CHD9: variants seen among roughly 807,000 people sequenced by gnomAD.
CHD9 encodes the protein ATP-dependent chromatin remodeler CHD9.
CHD9 carries 77 observed loss-of-function variants against 316.1 expected under a neutral mutation model. That is an observed-to-expected ratio of 0.24 (90% CI 0.20 to 0.29). The LOEUF (loss-of-function observed/expected upper bound fraction) is 0.29, where lower values mean the gene tolerates loss of function less well. Ranked by LOEUF, CHD9 falls within the 10% of genes least tolerant of loss-of-function variation. The pLI is 1.00. For synonymous variants in CHD9, 1,129 were observed against 1,158.3 expected (o/e 0.97, Z 0.51); for missense variants, 2,763 against 3,438.1 (o/e 0.80, Z 4.91).
chr16:53,151,226 C>A (rs1325621082), intron 1 of CHD9, among the ~76,000 whole-genome samples: 1 of 122,808 alleles, frequency 8.1e-6, no homozygotes, highest in Non-Finnish European at 1.7e-5. Context: ...CCCCTCCCCT[C>A]CCTTTCCTCT....
chr16:53,145,862 A>G (rs1193634785), intron 1 of CHD9, among the ~76,000 whole-genome samples: 1 of 152,168 alleles, frequency 6.6e-6, no homozygotes, highest in Non-Finnish European at 1.5e-5. Flanking sequence ...CATAATATAC[A>G]TATAATGGAA....
rs192934837 is a variant in CHD9, at chr16:53,280,691, A to C, written c.4968-4905A>C. ...TATGGAAATACAATTTAAAAAAAAA[A>C]AAAGAAATTTGTCTAAGGTTACCCA... On this transcript the variant is annotated intron_variant, in intron 24 of 38. Transcript: ENST00000447540. Among the ~76,000 whole-genome samples the C allele has an allele frequency of 3.2e-3, 481 of 152,242 alleles. 5 individuals are homozygous for C. Among genetic ancestry groups the C allele is most frequent in the African/African-American group, 0.011 (463 of 41,538 alleles).
intron 16 of CHD9, chr16:53,247,867 T>G (rs2049769775): frequency 6.0e-6 from 1 of 165,734 alleles, no homozygotes; most frequent in African/African-American, 2.4e-5. Context: ...TTCAAGAACT[T>G]TGGATCTATT....
chr16:53,147,840 G>A (rs948883812), intron 1 of CHD9, among the ~76,000 whole-genome samples: 2 of 152,060 alleles, frequency 1.3e-5, no homozygotes, highest in South Asian at 2.1e-4. Context: ...GTTGCTTTTG[G>A]TGAATAGTAT....
At chr16:53,242,720 G>A in intron 12 of CHD9, 120 bp from the exon 13 acceptor site, 1 of 800,308 alleles carries the variant, frequency 1.2e-6, no homozygotes, top group Admixed American at 2.4e-5. Context: ...GGGAGTGTCT[G>A]CATATGTAAA....
intron 1 of CHD9, among the ~76,000 whole-genome samples, chr16:53,065,012 A>G (rs1358157046): frequency 6.6e-6 from 1 of 152,058 alleles, no homozygotes; most frequent in African/African-American, 2.4e-5. Context: ...AAAGAGAGGG[A>G]GTGAGAAAGA....
intron 1 of CHD9, 24 bp from the exon 2 acceptor site, chr16:53,155,902 T>G: frequency 1.7e-6 from 1 of 577,736 alleles, no homozygotes; most frequent in Non-Finnish European, 3.0e-6. Flanking sequence ...TTTCTCTTTA[T>G]TGTTTTTGTT....
intron 1 of CHD9, among the ~76,000 whole-genome samples, chr16:53,129,426 T>G (rs2039116400): frequency 6.6e-6 from 1 of 152,240 alleles, no homozygotes; most frequent in Non-Finnish European, 1.5e-5. Context: ...GGAATCAAAG[T>G]TGGAACTGTA....
intron 1 of CHD9, among the ~76,000 whole-genome samples, chr16:53,146,353 A>G (rs1802682114): frequency 7.1e-6 from 1 of 141,630 alleles, no homozygotes; most frequent in Admixed American, 7.3e-5. Context: ...AGATCATGCC[A>G]TTGCACTCCA....
chr16:53,248,371 G>C (rs903193615), intron 16 of CHD9, among the ~76,000 whole-genome samples: 9 of 151,504 alleles, frequency 5.9e-5, no homozygotes, highest in African/African-American at 2.2e-4. Flanking sequence ...CAGTATTTAG[G>C]CTATAATAGG....
At chr16:53,268,873 G>T (rs991605713) in intron 22 of CHD9, among the ~76,000 whole-genome samples, 1 of 152,120 alleles carries the variant, frequency 6.6e-6, no homozygotes, top group African/African-American at 2.4e-5. Context: ...TGCAAACATG[G>T]CTCAATGCAG....
chr16:53,156,726 C>T lies in CHD9; in HGVS notation c.637C>T (p.Pro213Ser). ...TCCACATAGAGTCAATGTTAACCAC[C>T]CACCACAGATGACTAATGCATCTAA... The part of the protein sequence containing the change: ...SGPHRVNVNH[P>S]PQMTNASNSQ... Residue 213 changes from proline (P) to serine (S), a missense_variant, in exon 2 of 39, where the codon CCA becomes TCA. Physicochemically the swap from Pro to Ser is moderately conservative, Grantham distance 74. This residue lies in a region of CHD9 where 859 missense variants were observed against 890.4 expected (regional missense o/e 0.96). Transcript: ENST00000447540. 1.9e-6 allele frequency: 3 copies of T among 1,613,852 alleles called. No individual in the cohort carries two copies. Among genetic ancestry groups the T allele is most frequent in the East Asian group, 2.2e-5 (1 of 44,884 alleles).
chr16:53,091,999 G>C (rs1436811449), intron 1 of CHD9, among the ~76,000 whole-genome samples: 2 of 152,148 alleles, frequency 1.3e-5, no homozygotes, highest in African/African-American at 4.8e-5. Flanking sequence ...AATTGAGTCT[G>C]TCCCCTGACT....
intron 36 of CHD9, among the ~76,000 whole-genome samples, chr16:53,317,611 G>C (rs1227408345): frequency 6.6e-6 from 1 of 152,062 alleles, no homozygotes. Context: ...TCCCATCTCA[G>C]CCCCAACAAA....
intron 21 of CHD9, among the ~76,000 whole-genome samples, 167 bp from the exon 22 acceptor site, chr16:53,267,760 A>G (rs1388454418): frequency 1.3e-5 from 2 of 152,190 alleles, no homozygotes; most frequent in Admixed American, 1.3e-4. Context: ...TGAATAAAAT[A>G]TACTAGAAAT....
Position 53,231,685 on chromosome 16 carries a change from A to G in CHD9, c.2412A>G (p.Pro804=), listed in dbSNP as rs1331509592. ...ACTTAGTAAAATGGTGCTCATTGCC[A>G]TATGAAGATAGTACTTGGGAACTAA... ...IYYLVKWCSL[P]YEDSTWELKE... The change falls in exon 10 of 39, where the codon CCA becomes CCG. Residue 804 remains proline, a synonymous_variant. Coordinates refer to ENST00000447540, the MANE Select transcript of CHD9 (RefSeq NM_001308319.2). 1.9e-6 allele frequency: 3 copies of G among 1,606,768 alleles called. No individual in the cohort carries two copies. Among genetic ancestry groups the G allele is most frequent in the Non-Finnish European group, 2.6e-6 (3 of 1,175,924 alleles).
chr16:53,070,489 T>TTCCTCCCTTCC (rs1567306287), intron 1 of CHD9, among the ~76,000 whole-genome samples: 1 of 144,792 alleles, frequency 6.9e-6, no homozygotes, highest in African/African-American at 2.7e-5. Context: ...TCTTTCTTTC[T>TTCCTCCCTTCC]TTCCTTCCTT....
chr16:53,301,630 A>G (rs990615640), intron 30 of CHD9, among the ~76,000 whole-genome samples: 25 of 151,970 alleles, frequency 1.6e-4, no homozygotes, highest in Non-Finnish European at 2.8e-4. Context: ...TTCCTGCTCC[A>G]TATTGATTTT....
intron 2 of CHD9, among the ~76,000 whole-genome samples, chr16:53,196,602 G>C (rs1267197242): frequency 6.6e-6 from 1 of 152,170 alleles, no homozygotes; most frequent in East Asian, 1.9e-4. Context: ...TTAATCGTAA[G>C]ATTCCTTAAT....
Sources: allele counts gnomAD v4.1 joint callset (sites outside exome capture counted in the v4.1 genomes callset), GRCh38; gene constraint gnomAD v4.1.1; regional missense constraint gnomAD v4.1.1; transcripts MANE v1.5; gene names NCBI Gene and HGNC (gene_info 2026-07-23, HGNC 2026-07-21).